Variants in RFX3 observed in about 807,000 individuals in gnomAD.
RFX3 encodes regulatory factor X3.
Under a neutral mutation model 98.6 loss-of-function variants are expected in RFX3, and 14 were observed. The ratio of observed to expected loss-of-function variants is 0.14; its 90% CI spans 0.09 to 0.22. The LOEUF is 0.22. RFX3 is among the 10% of genes least tolerant of loss of function. The pLI, the probability that RFX3 is intolerant of heterozygous loss-of-function variation, is 1.00. For synonymous variants in RFX3, 383 were observed against 328.4 expected (o/e 1.17, Z -1.80); for missense variants, 639 against 926.9 (o/e 0.69, Z 4.03).
chr9:3,477,775 T>C (rs1344251738), intron 1 of RFX3, among the ~76,000 whole-genome samples: 1 of 152,190 alleles, frequency 6.6e-6, no homozygotes, highest in Non-Finnish European at 1.5e-5. Flanking sequence ...GGGAATCCTA[T>C]AATGTCCATG....
intron 12 of RFX3, among the ~76,000 whole-genome samples, chr9:3,265,596 C>T (rs1033823626): frequency 5.9e-5 from 9 of 152,150 alleles, no homozygotes; most frequent in Non-Finnish European, 1.2e-4. Flanking sequence ...CACAGATTAA[C>T]TGGAAGCAGC....
chr9:3,508,090 T>C (rs574309148), intron 1 of RFX3, among the ~76,000 whole-genome samples: 3 of 152,020 alleles, frequency 2.0e-5, no homozygotes, highest in African/African-American at 7.2e-5. Flanking sequence ...CGTAAAACTC[T>C]GAGCTATTTC....
chr9:3,242,404 TG>T (rs918809155), intron 15 of RFX3, among the ~76,000 whole-genome samples: 4 of 152,030 alleles, frequency 2.6e-5, no homozygotes, highest in South Asian at 2.1e-4. Flanking sequence ...CTTCCATGAT[TG>T]TTTTTTTTTT....
chr9:3,421,512 C>T (rs888643030), intron 1 of RFX3, among the ~76,000 whole-genome samples: 3 of 152,252 alleles, frequency 2.0e-5, no homozygotes, highest in African/African-American at 4.8e-5. Context: ...ACAGAAGGTG[C>T]GTGCATTTTT....
intron 4 of RFX3, among the ~76,000 whole-genome samples, chr9:3,327,147 G>C (rs550166772): frequency 6.6e-6 from 1 of 151,526 alleles, no homozygotes; most frequent in Non-Finnish European, 1.5e-5. Context: ...TACAGTAAAA[G>C]AAAAATATAC....
intron 2 of RFX3, among the ~76,000 whole-genome samples, chr9:3,393,118 G>A (rs1381276211): frequency 6.6e-6 from 1 of 151,948 alleles, no homozygotes. Flanking sequence ...GGCATGCTAA[G>A]GTAATGTTTA....
chr9:3,249,061 T>G (rs1821046847), intron 14 of RFX3, among the ~76,000 whole-genome samples: 1 of 152,096 alleles, frequency 6.6e-6, no homozygotes, highest in Non-Finnish European at 1.5e-5. Flanking sequence ...TGTGTGTGTT[T>G]CTTATCACTT....
intron 11 of RFX3, among the ~76,000 whole-genome samples, chr9:3,266,606 G>T (rs1199832793): frequency 1.3e-5 from 2 of 151,890 alleles, no homozygotes; most frequent in South Asian, 4.1e-4. Context: ...TATACTTAAA[G>T]AATTTTCTTG....
Position 3,238,566 on chromosome 9 carries a change from C to A in RFX3, c.1968+9466G>T, listed in dbSNP as rs183088150. Among the ~76,000 whole-genome samples the A allele has an allele frequency of 2.7e-3, 408 of 152,214 alleles. 4 individuals are homozygous for A. The highest frequency in any genetic ancestry group is 9.3e-3 in the African/African-American group (385 of 41,536). The stretch of plus-strand genomic sequence containing the variant: ...CAATGAAGAAATAGGCCCTTTAAAG[C>A]CCTTTTTAGAGAATCAGGAAGATTG... On this transcript the variant is annotated intron_variant, in intron 15 of 16. Coordinates refer to ENST00000617270, the MANE Select transcript of RFX3 (RefSeq NM_001282116.2).
At chr9:3,273,006 CTCTT>C (rs1824703667) in intron 9 of RFX3, among the ~76,000 whole-genome samples, 1 of 152,114 alleles carries the variant, frequency 6.6e-6, no homozygotes, top group South Asian at 2.1e-4. Flanking sequence ...TCTCAAATAA[CTCTT>C]TCAAAAAAGA....
chr9:3,234,742 C>T (rs1316095986), intron 15 of RFX3, among the ~76,000 whole-genome samples: 1 of 152,140 alleles, frequency 6.6e-6, no homozygotes, highest in Non-Finnish European at 1.5e-5. Context: ...GGCCTGTGGA[C>T]CACTGTTTGC....
chr9:3,359,439 C>T (rs534873013), intron 2 of RFX3, among the ~76,000 whole-genome samples: 48 of 152,206 alleles, frequency 3.2e-4, no homozygotes, highest in African/African-American at 1.2e-3. Flanking sequence ...TAGCTATGCT[C>T]TCTTCTACCC....
intron 15 of RFX3, among the ~76,000 whole-genome samples, chr9:3,241,936 T>C (rs1162215469): frequency 6.6e-6 from 1 of 152,066 alleles, no homozygotes; most frequent in Non-Finnish European, 1.5e-5. Context: ...TGAAACAAAG[T>C]AATAAAAACT....
Position 3,525,762 on chromosome 9 carries a change from T to G in RFX3, c.-24A>C. ...GAATATTCACCTTGGCTGTGGATTA[T>G]TGTGGTGTTGTTGGTGGGTGATGGA... On this transcript the variant is annotated 5_prime_UTR_variant, in exon 1 of 17. Transcript: ENST00000617270. 1 of 346,476 alleles carries G rather than the reference T, an allele frequency of 2.9e-6. No homozygotes were observed. The highest frequency in any genetic ancestry group is 4.1e-6 in the Non-Finnish European group (1 of 245,504). The allele number at this position is 346,476 out of a possible 1,614,324, so 21.5% of individuals were successfully genotyped here.
intron 15 of RFX3, among the ~76,000 whole-genome samples, chr9:3,239,111 G>A (rs1015683011): frequency 4.6e-5 from 7 of 152,022 alleles, no homozygotes; most frequent in Non-Finnish European, 1.0e-4. Context: ...TCAATATAAG[G>A]AGTCCAGAGC....
chr9:3,296,951 T>G (rs1422551609), intron 5 of RFX3, among the ~76,000 whole-genome samples: 1 of 152,082 alleles, frequency 6.6e-6, no homozygotes, highest in African/African-American at 2.4e-5. Flanking sequence ...TATTTAACTT[T>G]TACGTTTTGA....
At chr9:3,242,965 G>A (rs1023568797) in intron 15 of RFX3, among the ~76,000 whole-genome samples, 1 of 151,678 alleles carries the variant, frequency 6.6e-6, no homozygotes, top group Non-Finnish European at 1.5e-5. Flanking sequence ...ATTATTAAAA[G>A]GTTTGTAACA....
chr9:3,352,565 C>G (rs899673122), intron 2 of RFX3, among the ~76,000 whole-genome samples: 2 of 152,002 alleles, frequency 1.3e-5, no homozygotes. Flanking sequence ...CATTATGCAC[C>G]TTACACATCA....
At chr9:3,253,421 T>A (rs1821694637) in intron 14 of RFX3, among the ~76,000 whole-genome samples, 1 of 152,218 alleles carries the variant, frequency 6.6e-6, no homozygotes, top group Non-Finnish European at 1.5e-5. Context: ...TACATTCCAC[T>A]CTTTAAAAAT....
Sources: gnomAD v4.1 joint callset for allele counts (sites outside exome capture counted in the v4.1 genomes callset) on GRCh38, gnomAD v4.1.1 for gene constraint, MANE v1.5 for transcripts, NCBI Gene and HGNC (gene_info 2026-07-23, HGNC 2026-07-21) for gene names.